PTPRD: variants seen among roughly 807,000 people sequenced by gnomAD.
The protein encoded by PTPRD is protein tyrosine phosphatase receptor type D.
Under a neutral mutation model 214.5 loss-of-function variants are expected in PTPRD, and 34 were observed. The ratio of observed to expected loss-of-function variants is 0.16; its 90% confidence interval spans 0.12 to 0.21. The LOEUF (loss-of-function observed/expected upper bound fraction) is 0.21, where lower values mean the gene tolerates loss of function less well. Among genes scored for constraint, PTPRD ranks in the 10% least tolerant of loss-of-function variants. The pLI, the probability that PTPRD is intolerant of heterozygous loss-of-function variation, is 1.00. For missense variants in PTPRD, 2,545 were observed against 2,398.7 expected (o/e 1.06, Z -1.27); for synonymous variants, 1,128 against 845.7 (o/e 1.33, Z -5.79).
intron 2 of PTPRD, among the ~76,000 whole-genome samples, chr9:10,573,716 G>T (rs1300408447): frequency 2.0e-5 from 3 of 152,054 alleles, no homozygotes; most frequent in Non-Finnish European, 2.9e-5. Flanking sequence ...AATAGTATTT[G>T]TATCTCAAGT....
chr9:8,936,094 C>G (rs1392762780), intron 11 of PTPRD: 1 of 151,994 alleles, frequency 6.6e-6, no homozygotes, highest in African/African-American at 2.4e-5. Flanking sequence ...ATCTTCAAAT[C>G]AATTGATGGA....
chr9:9,296,178 C>T (rs1001685946), intron 9 of PTPRD, among the ~76,000 whole-genome samples: 14 of 151,680 alleles, frequency 9.2e-5, no homozygotes, highest in African/African-American at 3.1e-4. Flanking sequence ...GCTATAAAAT[C>T]TCTAGACTGC....
chr9:8,402,540 G>T (rs939015822), intron 36 of PTPRD, among the ~76,000 whole-genome samples: 1 of 152,156 alleles, frequency 6.6e-6, no homozygotes, highest in South Asian at 2.1e-4. Flanking sequence ...GCGAGACCAT[G>T]CCAAATAGAT....
chr9:8,660,186 G>A (rs2097009580), intron 12 of PTPRD, among the ~76,000 whole-genome samples: 1 of 152,124 alleles, frequency 6.6e-6, no homozygotes, highest in South Asian at 2.1e-4. Context: ...CTGAAATATA[G>A]CATGTACATG....
At chr9:8,829,068 C>G (rs1238244624) in intron 11 of PTPRD, among the ~76,000 whole-genome samples, 2 of 152,164 alleles carry the variant, frequency 1.3e-5, no homozygotes, top group Admixed American at 1.3e-4. Context: ...AATAGATAAT[C>G]ACTACTAATG....
intron 12 of PTPRD, among the ~76,000 whole-genome samples, chr9:8,728,152 A>T (rs2098607372): frequency 6.6e-6 from 1 of 152,190 alleles, no homozygotes; most frequent in African/African-American, 2.4e-5. Flanking sequence ...AGAGAGGCTG[A>T]CGCAGGAGAA....
At chr9:10,558,104 C>T (rs2063041311) in intron 2 of PTPRD, among the ~76,000 whole-genome samples, 1 of 152,086 alleles carries the variant, frequency 6.6e-6, no homozygotes, top group African/African-American at 2.4e-5. Context: ...GCACAAATTC[C>T]TTAAACTGGA....
At chr9:9,691,659 T>C (rs2097273381) in intron 7 of PTPRD, among the ~76,000 whole-genome samples, 2 of 152,112 alleles carry the variant, frequency 1.3e-5, no homozygotes, top group South Asian at 4.1e-4. Flanking sequence ...GGTTGTTGGA[T>C]TGTATGACAG....
intron 2 of PTPRD, among the ~76,000 whole-genome samples, chr9:10,564,826 T>C (rs950544654): frequency 2.0e-5 from 3 of 152,212 alleles, no homozygotes; most frequent in Admixed American, 1.3e-4. Context: ...TAATGAATAC[T>C]TACACAGCAT....
rs531638586 is a variant in PTPRD, at chr9:10,587,477, C to G, written c.-600+24921G>C. On this transcript the variant is annotated intron_variant, in intron 2 of 45. Transcript: ENST00000381196. The stretch of plus-strand genomic sequence containing the variant: ...TGAAAATTAATAATAAAAATAATGG[C>G]AATAATAAGTAAGGAGAGTTGCAGG... Among the ~76,000 whole-genome samples, 5 of 151,754 alleles carry G rather than the reference C, an allele frequency of 3.3e-5. No homozygotes were observed. In the South Asian group the frequency reaches 8.3e-4, roughly 25 times the overall value.
At chr9:10,296,043 T>G (rs1310997398) in intron 3 of PTPRD, among the ~76,000 whole-genome samples, 1 of 152,078 alleles carries the variant, frequency 6.6e-6, no homozygotes. Flanking sequence ...ATTACACAAG[T>G]ACACAACTAT....
intron 12 of PTPRD, among the ~76,000 whole-genome samples, chr9:8,644,208 G>A (rs956167539): frequency 3.3e-5 from 5 of 151,858 alleles, no homozygotes; most frequent in African/African-American, 9.7e-5. Flanking sequence ...TAACAGAGAG[G>A]AGCTACCCTC....
At chr9:9,516,929 C>T (rs1222310957) in intron 8 of PTPRD, among the ~76,000 whole-genome samples, 1 of 152,004 alleles carries the variant, frequency 6.6e-6, no homozygotes, top group Non-Finnish European at 1.5e-5. Flanking sequence ...CAAGAAGCAA[C>T]AAGCTACCCA....
At chr9:8,532,720 T>C (rs2076027543) in intron 14 of PTPRD, among the ~76,000 whole-genome samples, 1 of 152,068 alleles carries the variant, frequency 6.6e-6, no homozygotes, top group South Asian at 2.1e-4. Context: ...AAGCCATTTG[T>C]TCTGTCATTT....
At position 10,075,074 on chromosome 9, in the gene PTPRD, T is replaced by C. The variant is rs1441034757; in HGVS notation, c.-544-41284A>G. Among the ~76,000 whole-genome samples the C allele has an allele frequency of 2.6e-5, 4 of 152,276 alleles. No individual in the cohort carries two copies. The South Asian group carries it at 6.2e-4, about 24-fold the overall frequency. ...GTGGATTTCATGGAGTAATAAGTTA[T>C]TGATGCAAATATTGATATGGGCATC... On this transcript the variant is annotated intron_variant, in intron 3 of 45. Transcript: ENST00000381196.
chr9:10,002,769 A>C (rs1300964649), intron 4 of PTPRD, among the ~76,000 whole-genome samples: 1 of 151,520 alleles, frequency 6.6e-6, no homozygotes, highest in Non-Finnish European at 1.5e-5. Flanking sequence ...TTTCAATAAT[A>C]GATAAAATGA....
At chr9:9,190,589 C>A (rs2099934519) in intron 9 of PTPRD, among the ~76,000 whole-genome samples, 1 of 151,992 alleles carries the variant, frequency 6.6e-6, no homozygotes, top group Non-Finnish European at 1.5e-5. Flanking sequence ...CTCTCCTGAT[C>A]TTCTGAATTT....
At chr9:10,166,531 C>T (rs1161701304) in intron 3 of PTPRD, among the ~76,000 whole-genome samples, 2 of 151,926 alleles carry the variant, frequency 1.3e-5, no homozygotes, top group Non-Finnish European at 2.9e-5. Flanking sequence ...TTGCTAAATG[C>T]TTCTTCTCTG....
chr9:10,243,237 A>G (rs968805821), intron 3 of PTPRD, among the ~76,000 whole-genome samples: 3 of 151,952 alleles, frequency 2.0e-5, no homozygotes, highest in African/African-American at 7.2e-5. Context: ...TTTTATTATG[A>G]AAACTGAATG....
Sources: allele counts gnomAD v4.1 joint callset (sites outside exome capture counted in the v4.1 genomes callset), GRCh38; gene constraint gnomAD v4.1.1; transcripts MANE v1.5; gene names NCBI Gene and HGNC (gene_info 2026-07-23, HGNC 2026-07-21).